PRKCE: variants seen among roughly 807,000 people sequenced by gnomAD.
PRKCE encodes protein kinase C epsilon type.
In PRKCE, 16 loss-of-function variants were observed where a neutral mutation model predicts 85.4. That is an observed-to-expected ratio of 0.19 (90% CI 0.13 to 0.28). The LOEUF (loss-of-function observed/expected upper bound fraction) is 0.28, where lower values mean the gene tolerates loss of function less well. Among genes scored for constraint, PRKCE ranks in the 10% least tolerant of loss-of-function variants. The pLI is 1.00. For missense variants in PRKCE, 573 were observed against 975.2 expected (o/e 0.59, Z 5.49); for synonymous variants, 388 against 371.5 (o/e 1.04, Z -0.51).
intron 1 of PRKCE, among the ~76,000 whole-genome samples, chr2:45,664,763 C>G (rs1010241151): frequency 7.2e-5 from 11 of 152,230 alleles, no homozygotes; most frequent in African/African-American, 2.7e-4. Flanking sequence ...TGCATTTTGA[C>G]CTGAACATCC....
intron 11 of PRKCE, among the ~76,000 whole-genome samples, chr2:46,137,179 G>A (rs766894540): frequency 1.3e-4 from 20 of 152,154 alleles, no homozygotes; most frequent in Non-Finnish European, 2.8e-4. Context: ...AGAAAACTGA[G>A]TCTTAAAGAT....
intron 1 of PRKCE, among the ~76,000 whole-genome samples, chr2:45,761,441 C>T (rs1684491915): frequency 6.6e-6 from 1 of 151,996 alleles, no homozygotes; most frequent in South Asian, 2.1e-4. Context: ...TTTGCTGTGT[C>T]CCAAGCGCTT....
intron 1 of PRKCE, among the ~76,000 whole-genome samples, chr2:45,718,619 G>A (rs1306408765): frequency 1.3e-5 from 2 of 152,110 alleles, no homozygotes; most frequent in Non-Finnish European, 2.9e-5. Context: ...TGGGATTATA[G>A]GCATGAGCCA....
In PRKCE at chr2:45,980,277, C is replaced by T. The variant is rs1558914725; in HGVS notation, c.608-19C>T. ...CTTTCCTGAGTGTCATTCAGCCTTC[C>T]TGTCTTTGCTATTTGCAGTCTGCAC... On this transcript the variant is annotated intron_variant, in intron 4 of 14. Transcript: ENST00000306156. 1 of 1,598,856 alleles carries T rather than the reference C, an allele frequency of 6.3e-7. No individual in the cohort carries two copies. The highest frequency in any genetic ancestry group is 1.7e-5 in the Admixed American group (1 of 60,020).
intron 2 of PRKCE, among the ~76,000 whole-genome samples, chr2:45,967,301 A>C (rs565624057): frequency 3.0e-4 from 45 of 152,286 alleles, no homozygotes; most frequent in African/African-American, 1.1e-3. Flanking sequence ...TTCAACAATC[A>C]CCATCTGAAC....
chr2:45,683,335 G>A (rs1160302107), intron 1 of PRKCE, among the ~76,000 whole-genome samples: 2 of 152,188 alleles, frequency 1.3e-5, no homozygotes, highest in East Asian at 3.8e-4. Flanking sequence ...CCCTCAAGCA[G>A]TCAGCCAAGT....
At chr2:45,743,996 T>TG (rs1167896466) in intron 1 of PRKCE, among the ~76,000 whole-genome samples, 7 of 50,160 alleles carry the variant, frequency 1.4e-4, no homozygotes, top group African/African-American at 3.1e-4. Flanking sequence ...CGTTGTGTGT[T>TG]TTTTTTTTTT....
At chr2:45,936,503 A>G (rs1325266299) in intron 2 of PRKCE, among the ~76,000 whole-genome samples, 1 of 152,058 alleles carries the variant, frequency 6.6e-6, no homozygotes, top group Non-Finnish European at 1.5e-5. Flanking sequence ...CTCCTCCTCC[A>G]GGTTTCTTTA....
chr2:46,061,615 G>A (rs1667131891), intron 10 of PRKCE, among the ~76,000 whole-genome samples: 1 of 151,998 alleles, frequency 6.6e-6, no homozygotes, highest in Non-Finnish European at 1.5e-5. Context: ...ACTTATGAAA[G>A]AGGAATCCTC....
intron 1 of PRKCE, among the ~76,000 whole-genome samples, chr2:45,655,898 AG>A (rs1402497689): frequency 7.0e-6 from 1 of 142,398 alleles, no homozygotes; most frequent in South Asian, 2.3e-4. Context: ...AGAATCCAGG[AG>A]GGTTTTTGGA....
chr2:46,112,452 GTTAATATCTA>G (rs1427373858), intron 11 of PRKCE, among the ~76,000 whole-genome samples: 1 of 151,080 alleles, frequency 6.6e-6, no homozygotes, highest in Admixed American at 6.6e-5. Context: ...ATATAGTTGG[GTTAATATCTA>G]CTCTCTTTAT....
chr2:45,806,224 G>A (rs747763593), intron 1 of PRKCE, among the ~76,000 whole-genome samples: 2 of 152,168 alleles, frequency 1.3e-5, no homozygotes, highest in Admixed American at 6.5e-5. Context: ...TGGCTGGCAC[G>A]TGAACCAAAG....
At chr2:45,910,111 A>G (rs1697277576) in intron 2 of PRKCE, among the ~76,000 whole-genome samples, 1 of 152,146 alleles carries the variant, frequency 6.6e-6, no homozygotes, top group African/African-American at 2.4e-5. Flanking sequence ...AAGGTACTTA[A>G]TGCAAAATAA....
chr2:45,822,586 C>G (rs1689625205), intron 1 of PRKCE, among the ~76,000 whole-genome samples: 1 of 152,180 alleles, frequency 6.6e-6, no homozygotes, highest in African/African-American at 2.4e-5. Context: ...TGTAATGACT[C>G]TGGGCATAGA....
In PRKCE at chr2:45,978,965, C is replaced by G. The variant is rs1339859936; in HGVS notation, c.573-11C>G. On this transcript the variant is annotated splice_polypyrimidine_tract_variant and intron_variant, in intron 3 of 14. Coordinates refer to ENST00000306156, the MANE Select transcript of PRKCE (RefSeq NM_005400.3). ...TCACTTTTTTTAAAAAAATGTTATT[C>G]TTCTTTTCAGGGGTGTCATAGGAAA... The G allele has an allele frequency of 1.3e-6, 2 of 1,597,512 alleles. No homozygotes were observed. The highest frequency in any genetic ancestry group is 3.4e-5 in the Admixed American group (2 of 59,614).
chr2:45,760,334 A>G (rs1684360708), intron 1 of PRKCE, among the ~76,000 whole-genome samples: 1 of 152,188 alleles, frequency 6.6e-6, no homozygotes. Flanking sequence ...TTGGTTTTGC[A>G]CTTCTTGGCA....
intron 2 of PRKCE, among the ~76,000 whole-genome samples, chr2:45,935,267 C>T (rs1201822009): frequency 3.3e-5 from 5 of 152,126 alleles, no homozygotes; most frequent in Admixed American, 2.6e-4. Flanking sequence ...TACATCTTTT[C>T]TTTGCATGAT....
chr2:45,826,893 C>G (rs10190288), intron 1 of PRKCE, among the ~76,000 whole-genome samples: 19,824 of 152,250 alleles, frequency 0.13, 2,364 homozygotes, highest in African/African-American at 0.31. Context: ...ACTACCACCA[C>G]CCCTTCCCAG....
At chr2:45,880,669 T>C (rs949139459) in intron 2 of PRKCE, among the ~76,000 whole-genome samples, 1 of 152,160 alleles carries the variant, frequency 6.6e-6, no homozygotes, top group Non-Finnish European at 1.5e-5. Context: ...GGCTAGTTCA[T>C]AGTAGGTGCA....
Sources: allele counts gnomAD v4.1 joint callset (sites outside exome capture counted in the v4.1 genomes callset), GRCh38; gene constraint gnomAD v4.1.1; transcripts MANE v1.5; gene names NCBI Gene and HGNC (gene_info 2026-07-23, HGNC 2026-07-21).